The following ZNF614 variants were observed in gnomAD, a reference collection of about 807,000 sequenced individuals.
ZNF614 encodes the protein zinc finger protein 614.
A neutral mutation model predicts 12.8 loss-of-function variants in ZNF614; 11 were observed. The ratio of observed to expected loss-of-function variants is 0.86; its 90% CI spans 0.54 to 1.43. ZNF614 has a LOEUF of 1.43. Among genes scored for constraint, ZNF614 ranks in the 40% most tolerant of loss-of-function variants. ZNF614 has a pLI of 0.00. For synonymous variants in ZNF614, 237 were observed against 237.5 expected, an observed-to-expected ratio of 1.00 and a Z score of 0.02; for missense variants, 664 against 708.8, an observed-to-expected ratio of 0.94 and a Z score of 0.72.
chr19:52,017,776 CA>C (rs1306968527), intron 4 of ZNF614: 1 of 433,312 alleles, frequency 2.3e-6, no homozygotes, highest in Non-Finnish European at 4.0e-6. Context: ...TCTACGATCC[CA>C]GTATAAAAGG....
chr19:52,021,142 CAGGT>C (rs75159416), intron 2 of ZNF614, among the ~76,000 whole-genome samples: 22,588 of 152,050 alleles, frequency 0.15, 2,175 homozygotes, highest in East Asian at 0.37. Context: ...GACAAACAGA[CAGGT>C]AGAAACTGAG....
In ZNF614 at chr19:52,015,450, T is replaced by C. The variant is rs2086890227; in HGVS notation, c.*390A>G. Reference sequence around the variant, plus strand: ...AGCTCACTTACGTTGAAATCTATGATGAAACCTGATAATAAAGTCTATCTT... The same window carrying C: ...AGCTCACTTACGTTGAAATCTATGACGAAACCTGATAATAAAGTCTATCTT... On this transcript the variant is annotated 3_prime_UTR_variant, in exon 5 of 5. Transcript: ENST00000270649. 1 of 160,804 alleles carries C rather than the reference T, an allele frequency of 6.2e-6. No homozygotes were observed. The highest frequency in any genetic ancestry group is 1.4e-5 in the Non-Finnish European group (1 of 73,554). 10.0% of individuals were successfully genotyped at this position (160,804 alleles called of 1,614,324 possible). A position where few individuals can be genotyped will look rare whatever the true frequency, so the allele number is the denominator to read the frequency against.
At chr19:52,017,531 G>A (rs1287588882) in intron 4 of ZNF614, 172 bp from the exon 5 acceptor site, 54 of 577,906 alleles carry the variant, frequency 9.3e-5, no homozygotes, top group East Asian at 9.3e-4. Context: ...GTGAAACCCC[G>A]TCTCTACTAA....
At chr19:52,027,589 G>A (rs1311954906) in intron 1 of ZNF614, among the ~76,000 whole-genome samples, 1 of 152,200 alleles carries the variant, frequency 6.6e-6, no homozygotes, top group African/African-American at 2.4e-5. Flanking sequence ...CTCATAGGCA[G>A]TCAATTGTGT....
chr19:52,026,450 G>T (rs1057076373), intron 1 of ZNF614, among the ~76,000 whole-genome samples: 38 of 152,218 alleles, frequency 2.5e-4, no homozygotes, highest in Non-Finnish European at 5.0e-4. Context: ...AGTATGCTTG[G>T]TAAAAGTCAT....
intron 2 of ZNF614, among the ~76,000 whole-genome samples, chr19:52,022,309 C>A (rs1380124214): frequency 6.6e-6 from 1 of 151,402 alleles, no homozygotes; most frequent in Non-Finnish European, 1.5e-5. Context: ...GCCCCACTGT[C>A]TGGGAAGTGA....
chr19:52,026,914 T>C (rs1211165719), intron 1 of ZNF614, among the ~76,000 whole-genome samples: 1 of 152,116 alleles, frequency 6.6e-6, no homozygotes, highest in Non-Finnish European at 1.5e-5. Context: ...TTTGTTCACA[T>C]GTTTTCCTGC....
rs2086888261 is a variant in ZNF614 at position 52,015,128 on chromosome 19, TAAG to T, written c.*709_*711del. On this transcript the variant is annotated 3_prime_UTR_variant, in exon 5 of 5. Transcript: ENST00000270649. ...CACACCAGGTGTATTAGCTGATGTT[TAAG>T]GTTATACTTATTAAGAAAAAGCACT... 6.6e-6 allele frequency: 1 copy of T among 152,168 alleles called. No individual in the cohort carries two copies. Among genetic ancestry groups the T allele is most frequent in the Non-Finnish European group, 1.5e-5 (1 of 68,026 alleles). 9.4% of individuals were successfully genotyped at this position (152,168 alleles called of 1,614,324 possible).
chr19:52,017,023 A>G lies in ZNF614; in HGVS notation c.575T>C (p.Val192Ala). The G allele has an allele frequency of 6.2e-7, 1 of 1,614,016 alleles. No homozygotes were observed. The highest frequency in any genetic ancestry group is 8.5e-7 in the Non-Finnish European group (1 of 1,180,014). The change falls in exon 5 of 5, where the codon GTC becomes GCC. Residue 192 changes from valine (V) to alanine (A), a missense_variant. Coordinates refer to ENST00000270649, the MANE Select transcript of ZNF614 (RefSeq NM_025040.4). ...TTTCTGAGTCCTCTGATGCTTGAAGACTTGGAATTTAGTATGGATACATTT... is the reference window on the plus strand; with the variant it reads ...TTTCTGAGTCCTCTGATGCTTGAAGGCTTGGAATTTAGTATGGATACATTT... ...NAKCIHTKFQ[V>A]FKHQRTQKIE...
At chr19:52,019,355 C>A (rs2086920714) in intron 2 of ZNF614, among the ~76,000 whole-genome samples, 1 of 152,044 alleles carries the variant, frequency 6.6e-6, no homozygotes, top group South Asian at 2.1e-4. Context: ...AGTGTATGCC[C>A]ACTTATGGTT....
intron 2 of ZNF614, among the ~76,000 whole-genome samples, chr19:52,019,961 T>A (rs1337298139): frequency 6.6e-6 from 1 of 152,232 alleles, no homozygotes; most frequent in Non-Finnish European, 1.5e-5. Flanking sequence ...GGTCAGTTTA[T>A]CTCATTCCAA....
At chr19:52,023,093 A>G (rs1218897421) in intron 2 of ZNF614, among the ~76,000 whole-genome samples, 165 of 137,244 alleles carry the variant, frequency 1.2e-3, no homozygotes, top group African/African-American at 4.7e-3. Flanking sequence ...AAAAAAAAAG[A>G]AAAAAAAAAA....
rs769189152 is a variant in ZNF614, at chr19:52,018,409, C to T, written c.101G>A (p.Arg34Gln). 6.2e-6 allele frequency: 10 copies of T among 1,614,014 alleles called. No homozygotes were observed. Among genetic ancestry groups the T allele is most frequent in the African/African-American group, 2.7e-5 (2 of 74,906 alleles). ...LLDTAQKNLY[R>Q]DVMVENYNHL... ...GTTATAGTTCTCCACCATCACATCCCGGTACAGGTTCTTCTGAGCAGTGTC... is the reference window on the plus strand; with the variant it reads ...GTTATAGTTCTCCACCATCACATCCTGGTACAGGTTCTTCTGAGCAGTGTC... Residue 34 changes from arginine to glutamine, a missense_variant, in exon 3 of 5, where the codon CGG becomes CAG. By Grantham distance (43) the Arg-to-Gln change is conservative (BLOSUM62 1). Coordinates refer to ENST00000270649, the MANE Select transcript of ZNF614 (RefSeq NM_025040.4).
intron 2 of ZNF614, among the ~76,000 whole-genome samples, chr19:52,021,940 T>C (rs1277582262): frequency 2.6e-5 from 4 of 151,878 alleles, no homozygotes; most frequent in Non-Finnish European, 5.9e-5. Context: ...AAAAATTAAA[T>C]GAACAAAGAC....
intron 2 of ZNF614, among the ~76,000 whole-genome samples, chr19:52,023,173 A>ATTT (rs199732557): frequency 7.1e-6 from 1 of 141,430 alleles, no homozygotes. Flanking sequence ...AATAAATAAA[A>ATTT]TTTTTTTTTT....
Position 52,016,120 on chromosome 19 carries a change from G to C in ZNF614, c.1478C>G (p.Ser493Ter). 6.2e-7 allele frequency: 1 copy of C among 1,614,168 alleles called. No individual in the cohort carries two copies. The highest frequency in any genetic ancestry group is 8.5e-7 in the Non-Finnish European group (1 of 1,180,012). ...FVCTECGKSY[S>*]HKYGLITHQR... ...ATGGGTAATGAGGCCATATTTGTGT[G>C]AATAGGATTTTCCGCACTCGGTACA... Residue 493 changes from serine (S) to a stop codon, truncating the protein, a stop_gained, in exon 5 of 5, where the codon TCA (serine) becomes TGA (stop). Coordinates refer to ENST00000270649, the MANE Select transcript of ZNF614 (RefSeq NM_025040.4). LOFTEE classifies it low-confidence loss of function (END_TRUNC).
At chr19:52,027,084 A>G (rs1006442437) in intron 1 of ZNF614, among the ~76,000 whole-genome samples, 7 of 152,178 alleles carry the variant, frequency 4.6e-5, no homozygotes, top group African/African-American at 1.2e-4. Flanking sequence ...TTCTTTCTCT[A>G]TACTTTGTCT....
In ZNF614 at chr19:52,016,992, C is replaced by T; in HGVS notation, c.606G>A (p.Glu202=). 6.2e-7 allele frequency: 1 copy of T among 1,613,886 alleles called. No individual in the cohort carries two copies. Among genetic ancestry groups the T allele is most frequent in the East Asian group, 2.2e-5 (1 of 44,870 alleles). The part of the protein sequence containing the change: ...VFKHQRTQKI[E]KPHACIECEQ... ...CACATTCAATGCATGCATGGGGTTTCTCAATTTTCTGAGTCCTCTGATGCT... is the reference window on the plus strand; with the variant it reads ...CACATTCAATGCATGCATGGGGTTTTTCAATTTTCTGAGTCCTCTGATGCT... Residue 202 remains glutamate (E), a synonymous_variant, in exon 5 of 5, where the codon GAG becomes GAA. Transcript: ENST00000270649.
rs755819587 is a variant in ZNF614, at chr19:52,016,795, G to C, written c.803C>G (p.Ser268Cys). Residue 268 changes from serine (S) to cysteine (C), a missense_variant, in exon 5 of 5, where the codon TCT becomes TGT. Physicochemically the swap from Ser to Cys is moderately radical, Grantham distance 112. Coordinates refer to ENST00000270649, the MANE Select transcript of ZNF614 (RefSeq NM_025040.4). ...TGTAATGAGACTACTCTTCACAGTA[G>C]AGCCTTTTCTATATTCATTGGGTAT... ...ICIPNEYRKGSTVKSSLITHQ... is the reference protein window; with the variant it reads ...ICIPNEYRKGCTVKSSLITHQ... 24 of 1,613,816 alleles carry C rather than the reference G, an allele frequency of 1.5e-5. No homozygotes were observed. The East Asian group carries it at 2.0e-4, about 13-fold the overall frequency.
Sources: gnomAD v4.1 joint callset for allele counts (sites outside exome capture counted in the v4.1 genomes callset) on GRCh38, gnomAD v4.1.1 for gene constraint, MANE v1.5 for transcripts, NCBI Gene and HGNC (gene_info 2026-07-23, HGNC 2026-07-21) for gene names.